UBQLN1: variants seen among roughly 807,000 people sequenced by gnomAD.
UBQLN1 encodes ubiquilin 1.
UBQLN1 carries 13 observed loss-of-function variants against 65.4 expected under a neutral mutation model. The observed-to-expected ratio is 0.20, with a 90% confidence interval of 0.13 to 0.32. UBQLN1 has a LOEUF of 0.32. Ranked by LOEUF, UBQLN1 falls within the 10% of genes least tolerant of loss-of-function variation. The pLI, the probability that UBQLN1 is intolerant of heterozygous loss-of-function variation, is 1.00. For synonymous variants in UBQLN1, 267 were observed against 247.8 expected (o/e 1.08, Z -0.73); for missense variants, 561 against 724.0 (o/e 0.77, Z 2.58).
intron 3 of UBQLN1, among the ~76,000 whole-genome samples, chr9:83,682,462 G>A (rs117273398): frequency 0.022 from 3,258 of 151,062 alleles, 43 homozygotes; most frequent in Non-Finnish European, 0.033. Flanking sequence ...CTCCGTGACT[G>A]AGCAAGATCC....
At chr9:83,707,376 G>A in intron 1 of UBQLN1, 124 bp downstream of exon 1, 7 of 1,104,118 alleles carry the variant, frequency 6.3e-6, no homozygotes, top group Non-Finnish European at 7.5e-6. Context: ...TCTAATTTGG[G>A]ACGACGCCCG....
chr9:83,687,647 A>G (rs1371506297), intron 1 of UBQLN1, among the ~76,000 whole-genome samples: 1 of 152,218 alleles, frequency 6.6e-6, no homozygotes, highest in Non-Finnish European at 1.5e-5. Context: ...AAGGGAAGGC[A>G]TATATAAAAA....
intron 1 of UBQLN1, among the ~76,000 whole-genome samples, chr9:83,688,350 T>C (rs1358240914): frequency 1.3e-5 from 2 of 152,132 alleles, no homozygotes; most frequent in Non-Finnish European, 2.9e-5. Context: ...GATTCAAACT[T>C]AGATTTGACT....
chr9:83,702,034 C>T (rs1832318336), intron 1 of UBQLN1, among the ~76,000 whole-genome samples: 1 of 152,148 alleles, frequency 6.6e-6, no homozygotes, highest in African/African-American at 2.4e-5. Context: ...ACCTTGAAAA[C>T]ACTATGCTAA....
chr9:83,674,070 A>C (rs1014667329), intron 6 of UBQLN1, among the ~76,000 whole-genome samples: 5 of 152,158 alleles, frequency 3.3e-5, no homozygotes, highest in African/African-American at 1.2e-4. Flanking sequence ...AAGTCCTGGG[A>C]TAACAAGTAT....
intron 1 of UBQLN1, among the ~76,000 whole-genome samples, chr9:83,702,437 A>AT (rs1832324744): frequency 2.0e-5 from 3 of 152,120 alleles, no homozygotes; most frequent in African/African-American, 7.2e-5. Context: ...TTTTTCTCAG[A>AT]TATCTTGCTA....
In UBQLN1 at chr9:83,707,521, G is replaced by C. The variant is rs1293594931; in HGVS notation, c.159C>G (p.Pro53=). 2.3e-5 allele frequency: 37 copies of C among 1,610,552 alleles called. No homozygotes were observed. Among genetic ancestry groups the C allele is most frequent in the Admixed American group, 8.3e-5 (5 of 59,898 alleles). Reference sequence around the variant, plus strand: ...TCACCTGCTGGACGGAGCTATTCTCGGGCACGGCGAATTCCTCCTTTTCCT... The same window carrying C: ...TCACCTGCTGGACGGAGCTATTCTCCGGCACGGCGAATTCCTCCTTTTCCT... ...TPKEKEEFAV[P]ENSSVQQFKE... Residue 53 remains proline, a synonymous_variant, in exon 1 of 11, where the codon CCC becomes CCG. Transcript: ENST00000376395.
Position 83,665,102 on chromosome 9 carries a change from G to T in UBQLN1, c.1376C>A (p.Ala459Glu). The change falls in exon 9 of 11, where the codon GCA becomes GAA. Residue 459 changes from alanine (A) to glutamate (E), a missense_variant. Ala to Glu is a moderately radical substitution (Grantham distance 107). Coordinates refer to ENST00000376395, the MANE Select transcript of UBQLN1 (RefSeq NM_013438.5). ...DTLSAMSNPR[A>E]MQALLQIQQG... ...CTGAATCTGTAACAAGGCCTGCATTGCTCTAGGGTTTGACATTGCTGATAG... is the reference window on the plus strand; with the variant it reads ...CTGAATCTGTAACAAGGCCTGCATTTCTCTAGGGTTTGACATTGCTGATAG... 1 of 1,613,738 alleles carries T rather than the reference G, an allele frequency of 6.2e-7. No homozygotes were observed. Among genetic ancestry groups the T allele is most frequent in the Non-Finnish European group, 8.5e-7 (1 of 1,179,862 alleles).
chr9:83,678,585 G>C lies in UBQLN1; in HGVS notation c.726C>G (p.Ala242=), dbSNP rs1225878909. ...PDIMRQTLEL[A]RNPAMMQEMM... ...TCTCCTGCATCATTGCTGGATTCCT[G>C]GCAAGTTCCAACGTCTACGAAAAAT... The change falls in exon 5 of 11, where the codon GCC becomes GCG. Residue 242 remains alanine, a synonymous_variant. Transcript: ENST00000376395. 2 of 1,604,800 alleles carry C rather than the reference G, an allele frequency of 1.2e-6. No homozygotes were observed. The highest frequency in any genetic ancestry group is 1.7e-6 in the Non-Finnish European group (2 of 1,177,194).
intron 1 of UBQLN1, among the ~76,000 whole-genome samples, chr9:83,704,047 C>T (rs758811841): frequency 1.1e-4 from 16 of 152,084 alleles, no homozygotes; most frequent in Non-Finnish European, 2.1e-4. Flanking sequence ...TTATAGAAAA[C>T]GGAATTTGTC....
chr9:83,701,578 CA>C, intron 1 of UBQLN1, among the ~76,000 whole-genome samples: 1 of 151,854 alleles, frequency 6.6e-6, no homozygotes, highest in Non-Finnish European at 1.5e-5. Flanking sequence ...GTGCCCCCAG[CA>C]AAAATAATAA....
In UBQLN1 at chr9:83,666,610, C is replaced by T. The variant is rs1164508976; in HGVS notation, c.1249-177G>A. On this transcript the variant is annotated intron_variant, in intron 7 of 10. Coordinates refer to ENST00000376395, the MANE Select transcript of UBQLN1 (RefSeq NM_013438.5). Reference sequence around the variant, plus strand: ...TCCACAAGAGGGATCTCCAGAAGAACAAAAACAAAAAAATGAGGCATATTC... The same window carrying T: ...TCCACAAGAGGGATCTCCAGAAGAATAAAAACAAAAAAATGAGGCATATTC... 7.9e-6 allele frequency: 4 copies of T among 506,642 alleles called. No homozygotes were observed. In the Admixed American group the frequency reaches 9.8e-5, roughly 12 times the overall value. The allele number at this position is 506,642 out of a possible 1,614,324, so 31.4% of individuals were successfully genotyped here.
intron 6 of UBQLN1, among the ~76,000 whole-genome samples, chr9:83,675,190 C>T (rs7033585): frequency 0.08 from 12,172 of 152,128 alleles, 1,586 homozygotes; most frequent in African/African-American, 0.28. Context: ...GGTGGCTTAG[C>T]AGAGGTAAAG....
intron 8 of UBQLN1, 26 bp from the exon 9 acceptor site, chr9:83,665,171 T>C: frequency 6.6e-7 from 1 of 1,516,158 alleles, no homozygotes; most frequent in South Asian, 1.2e-5. Context: ...AACTAGTGGT[T>C]ACAAAGGAAT....
chr9:83,699,388 C>G (rs942270770), intron 1 of UBQLN1, among the ~76,000 whole-genome samples: 7 of 152,320 alleles, frequency 4.6e-5, no homozygotes, highest in Non-Finnish European at 4.4e-5. Context: ...GTCACCACAG[C>G]TGGAATGCTG....
chr9:83,684,810 C>CAA (rs199680794), intron 2 of UBQLN1, among the ~76,000 whole-genome samples: 95 of 64,204 alleles, frequency 1.5e-3, no homozygotes, highest in African/African-American at 4.5e-3. Flanking sequence ...AATTCCGTCT[C>CAA]AAAAAAAAAA....
At chr9:83,687,126 A>C (rs1289133385) in intron 1 of UBQLN1, among the ~76,000 whole-genome samples, 1 of 152,184 alleles carries the variant, frequency 6.6e-6, no homozygotes, top group African/African-American at 2.4e-5. Context: ...GAGCAGTCCA[A>C]TGAGAGTCAA....
At chr9:83,694,372 T>C (rs1402026721) in intron 1 of UBQLN1, among the ~76,000 whole-genome samples, 3 of 80,174 alleles carry the variant, frequency 3.7e-5, no homozygotes, top group African/African-American at 2.2e-4. Context: ...ATATTGCTAA[T>C]AGTATTTGAA....
intron 10 of UBQLN1, among the ~76,000 whole-genome samples, chr9:83,662,246 A>ATG (rs1226640709): frequency 7.0e-6 from 1 of 143,772 alleles, no homozygotes; most frequent in Non-Finnish European, 1.5e-5. Flanking sequence ...AAAAACCTGT[A>ATG]TGTGTGTGTG....
Sources: allele counts gnomAD v4.1 joint callset (sites outside exome capture counted in the v4.1 genomes callset), GRCh38; gene constraint gnomAD v4.1.1; transcripts MANE v1.5; gene names NCBI Gene and HGNC (gene_info 2026-07-23, HGNC 2026-07-21).